Variants in GFOD2 observed in about 807,000 individuals in gnomAD.
GFOD2 encodes the protein glucose-fructose oxidoreductase domain-containing protein 2.
In GFOD2, 9 loss-of-function variants were observed where a neutral mutation model predicts 24.6. That is an observed-to-expected ratio of 0.37 (90% CI 0.22 to 0.64). The LOEUF is 0.64. Ranked by LOEUF, GFOD2 falls within the 30% of genes least tolerant of loss-of-function variation. GFOD2 has a pLI of 0.65. For synonymous variants in GFOD2, 211 were observed against 224.8 expected, an observed-to-expected ratio of 0.94 and a Z score of 0.55; for missense variants, 476 against 532.5, an observed-to-expected ratio of 0.89 and a Z score of 1.04.
intron 1 of GFOD2, among the ~76,000 whole-genome samples, chr16:67,696,853 C>T (rs1458339365): frequency 3.9e-5 from 6 of 152,192 alleles, no homozygotes; most frequent in Admixed American, 3.9e-4. Flanking sequence ...TATTGGCTGG[C>T]CCCCGAGGAA....
chr16:67,695,692 T>C (rs770428420), intron 1 of GFOD2, among the ~76,000 whole-genome samples: 1 of 151,726 alleles, frequency 6.6e-6, no homozygotes, highest in African/African-American at 2.4e-5. Context: ...TGCGCCACCA[T>C]ACCTGGCTAA....
rs776993595 is a variant in GFOD2 at position 67,675,710 on chromosome 16, GAGC to G, written c.600_602del (p.Leu201del). On this transcript the variant is annotated inframe_deletion, in exon 3 of 3. Transcript: ENST00000268797. ...CAGCGTTCTGCCTCACGAATGTCTT[GAGC>G]AGCCCGTGCACCTTCTCGGCTCTCC... 1 of 1,614,020 alleles carries G rather than the reference GAGC, an allele frequency of 6.2e-7. No individual in the cohort carries two copies. The highest frequency in any genetic ancestry group is 1.3e-5 in the African/African-American group (1 of 75,066).
chr16:67,699,419 G>A (rs73599521), intron 1 of GFOD2, among the ~76,000 whole-genome samples: 21,369 of 152,028 alleles, frequency 0.14, 1,751 homozygotes, highest in African/African-American at 0.22. Context: ...TTAATCCCAG[G>A]AATGCAAGGC....
At chr16:67,688,947 G>C (rs994247486) in intron 1 of GFOD2, among the ~76,000 whole-genome samples, 1 of 151,402 alleles carries the variant, frequency 6.6e-6, no homozygotes, top group African/African-American at 2.4e-5. Context: ...CACCGTGTTA[G>C]CCAGGATGGT....
At chr16:67,683,801 C>T (rs951232364) in intron 2 of GFOD2, 3 of 1,225,366 alleles carry the variant, frequency 2.4e-6, no homozygotes, top group Admixed American at 4.3e-5. Flanking sequence ...GAGTGGAGGA[C>T]AACCTCATGG....
At chr16:67,678,549 C>T (rs924221191) in intron 2 of GFOD2, among the ~76,000 whole-genome samples, 3 of 151,544 alleles carry the variant, frequency 2.0e-5, no homozygotes, top group African/African-American at 4.8e-5. Flanking sequence ...CCCAGGACAA[C>T]TGACTACCCA....
chr16:67,698,079 C>G (rs900847777), intron 1 of GFOD2, among the ~76,000 whole-genome samples: 3 of 152,224 alleles, frequency 2.0e-5, no homozygotes, highest in African/African-American at 7.2e-5. Context: ...TGGCTTCCAT[C>G]TGAGTCCAGC....
At chr16:67,698,198 A>C (rs1324242939) in intron 1 of GFOD2, among the ~76,000 whole-genome samples, 2 of 152,112 alleles carry the variant, frequency 1.3e-5, no homozygotes, top group Non-Finnish European at 2.9e-5. Flanking sequence ...TGTGTTCCTT[A>C]ACCAAGGTCA....
At chr16:67,689,979 C>T (rs1289809248) in intron 1 of GFOD2, among the ~76,000 whole-genome samples, 1 of 152,148 alleles carries the variant, frequency 6.6e-6, no homozygotes, top group African/African-American at 2.4e-5. Context: ...ATAATGTCTT[C>T]AAGGTTCACC....
chr16:67,710,658 G>A (rs901925520), intron 1 of GFOD2, among the ~76,000 whole-genome samples: 11 of 152,150 alleles, frequency 7.2e-5, no homozygotes, highest in African/African-American at 1.4e-4. Context: ...CACCGCGCCC[G>A]GCCAGTTAGC....
intron 1 of GFOD2, 94 bp downstream of exon 1, chr16:67,719,069 G>C (rs560065515): frequency 6.6e-5 from 10 of 152,378 alleles, no homozygotes; most frequent in Admixed American, 4.6e-4. Context: ...TCCAACCTCC[G>C]GCGCCGGGCC....
chr16:67,717,740 G>A (rs1200431992), intron 1 of GFOD2, among the ~76,000 whole-genome samples: 1 of 152,040 alleles, frequency 6.6e-6, no homozygotes, highest in Admixed American at 6.5e-5. Context: ...GCAGTGAGCC[G>A]AGATCGCACC....
At chr16:67,705,269 A>G (rs542846353) in intron 1 of GFOD2, among the ~76,000 whole-genome samples, 1 of 152,208 alleles carries the variant, frequency 6.6e-6, no homozygotes, top group East Asian at 1.9e-4. Context: ...GTGCAGTGGC[A>G]TGATCTCAGC....
At position 67,685,771 on chromosome 16, in the gene GFOD2, G is replaced by T; in HGVS notation, c.-56C>A. On this transcript the variant is annotated 5_prime_UTR_variant, in exon 2 of 3. The change creates a premature stop within an existing upstream ORF in the 5' untranslated region. Transcript: ENST00000268797. ...TCACAAGAGCCTCTGGCATGGATAT[G>T]ATCTTCCAAACGTCCTGGTCAGACA... The T allele has an allele frequency of 1.3e-6, 2 of 1,563,358 alleles. No homozygotes were observed. Among genetic ancestry groups the T allele is most frequent in the South Asian group, 1.2e-5 (1 of 85,648 alleles).
At chr16:67,704,956 A>C (rs2142996903) in intron 1 of GFOD2, among the ~76,000 whole-genome samples, 1 of 152,316 alleles carries the variant, frequency 6.6e-6, no homozygotes, top group East Asian at 1.9e-4. Flanking sequence ...GCTTATTGAC[A>C]GTAGTTTATG....
chr16:67,693,348 G>A (rs2053330469), intron 1 of GFOD2, among the ~76,000 whole-genome samples: 2 of 151,462 alleles, frequency 1.3e-5, no homozygotes, highest in South Asian at 2.1e-4. Flanking sequence ...GTGCCATCTC[G>A]ACTCACTGCA....
intron 2 of GFOD2, 108 bp downstream of exon 2, chr16:67,685,349 C>T (rs778681074): frequency 5.2e-6 from 8 of 1,542,092 alleles, no homozygotes; most frequent in Admixed American, 1.9e-5. Flanking sequence ...GTTCTCCTCC[C>T]TGCAGATGCG....
intron 1 of GFOD2, among the ~76,000 whole-genome samples, chr16:67,717,140 C>A (rs975857103): frequency 6.6e-6 from 1 of 152,130 alleles, no homozygotes; most frequent in Non-Finnish European, 1.5e-5. Context: ...AGGTGATCCA[C>A]CCACCTTGGT....
chr16:67,679,524 G>C (rs1401674876), intron 2 of GFOD2, among the ~76,000 whole-genome samples: 2 of 151,928 alleles, frequency 1.3e-5, no homozygotes, highest in Non-Finnish European at 2.9e-5. Context: ...CCACCGCGTC[G>C]GCCCCAGGTA....
Sources: gnomAD v4.1 joint callset for allele counts (sites outside exome capture counted in the v4.1 genomes callset) on GRCh38, gnomAD v4.1.1 for gene constraint, MANE v1.5 for transcripts, NCBI Gene and HGNC (gene_info 2026-07-23, HGNC 2026-07-21) for gene names.